The following NOX3 variants were observed in gnomAD, a reference collection of about 807,000 sequenced individuals.
The protein encoded by NOX3 is NADPH oxidase 3.
NOX3 carries 74 observed loss-of-function variants against 76.7 expected under a neutral mutation model. The ratio of observed to expected loss-of-function variants is 0.96; its 90% CI spans 0.80 to 1.17. The LOEUF is 1.17. Among genes scored for constraint, NOX3 ranks in the 50% most tolerant of loss-of-function variants. The pLI is 0.00. For missense variants in NOX3, 695 were observed against 703.3 expected (o/e 0.99, Z 0.13); for synonymous variants, 263 against 261.1 (o/e 1.01, Z -0.07).
intron 13 of NOX3, 72 bp downstream of exon 13, chr6:155,396,736 TA>T: frequency 1.5e-6 from 2 of 1,302,854 alleles, no homozygotes; most frequent in Non-Finnish European, 2.1e-6. Context: ...GCATAGAGCC[TA>T]AAATGATTAC....
chr6:155,448,058 G>C (rs1034304304), intron 4 of NOX3, among the ~76,000 whole-genome samples: 1 of 152,164 alleles, frequency 6.6e-6, no homozygotes, highest in African/African-American at 2.4e-5. Context: ...ATCATTTCAT[G>C]TTATTAGATT....
chr6:155,403,199 C>A (rs559323605), intron 12 of NOX3, among the ~76,000 whole-genome samples: 1 of 152,262 alleles, frequency 6.6e-6, no homozygotes, highest in African/African-American at 2.4e-5. Flanking sequence ...TCCGAGATTT[C>A]TTCATTAAAA....
chr6:155,415,927 G>A (rs1776616787), intron 10 of NOX3, among the ~76,000 whole-genome samples: 1 of 152,208 alleles, frequency 6.6e-6, no homozygotes, highest in African/African-American at 2.4e-5. Context: ...AGGGACATGC[G>A]CCTTGCTTGG....
intron 6 of NOX3, among the ~76,000 whole-genome samples, chr6:155,438,463 T>A (rs1446954854): frequency 6.6e-6 from 1 of 152,168 alleles, no homozygotes; most frequent in Admixed American, 6.5e-5. Context: ...TAGGGTAAAA[T>A]GCACCCTCAG....
intron 9 of NOX3, among the ~76,000 whole-genome samples, chr6:155,428,037 A>G (rs1776779877): frequency 6.6e-6 from 1 of 152,192 alleles, no homozygotes; most frequent in Non-Finnish European, 1.5e-5. Context: ...GATAGCTGGG[A>G]TTACAGGCAT....
At chr6:155,428,667 A>T (rs1776790152) in intron 9 of NOX3, 127 bp downstream of exon 9, 8 of 861,576 alleles carry the variant, frequency 9.3e-6, no homozygotes, top group Non-Finnish European at 1.1e-5. Flanking sequence ...CACATTCTCA[A>T]ATTTAGACAC....
intron 5 of NOX3, among the ~76,000 whole-genome samples, chr6:155,443,068 T>C (rs1262248274): frequency 2.0e-5 from 3 of 152,188 alleles, no homozygotes; most frequent in Non-Finnish European, 4.4e-5. Flanking sequence ...AGGTGACATA[T>C]CTTTTTCTCC....
chr6:155,416,747 T>TC (rs1776626280), intron 10 of NOX3, among the ~76,000 whole-genome samples: 1 of 119,360 alleles, frequency 8.4e-6, no homozygotes, highest in South Asian at 2.7e-4. Flanking sequence ...AAACATTCTT[T>TC]TTTTTTTTTT....
In NOX3 at chr6:155,411,226, C is replaced by T. The variant is rs1219036939; in HGVS notation, c.1443G>A (p.Trp481Ter). The T allele has an allele frequency of 6.2e-7, 1 of 1,613,468 alleles. No homozygotes were observed. Among genetic ancestry groups the T allele is most frequent in the Non-Finnish European group, 8.5e-7 (1 of 1,179,670 alleles). The change falls in exon 11 of 14, where the codon TGG becomes TGA. Residue 481 changes from tryptophan (W) to a stop codon, truncating the protein, a stop_gained. Transcript: ENST00000159060. LOFTEE classifies it high-confidence loss of function. ...FLSYHIFLTG[W>*]DENQALHIAL... ...GTCTTATCAGTACCTGATTTTCATC[C>T]CAGCCGGTAAGAAATATATGATAAC...
At chr6:155,427,399 C>G (rs937669629) in intron 9 of NOX3, among the ~76,000 whole-genome samples, 1 of 152,180 alleles carries the variant, frequency 6.6e-6, no homozygotes, top group Non-Finnish European at 1.5e-5. Flanking sequence ...TTGTTTGTCA[C>G]CAATAAATAT....
chr6:155,425,757 T>C (rs1394305844), intron 9 of NOX3, among the ~76,000 whole-genome samples: 1 of 152,190 alleles, frequency 6.6e-6, no homozygotes, highest in Non-Finnish European at 1.5e-5. Context: ...ACACACAAAG[T>C]TGGGCTTTGA....
intron 12 of NOX3, among the ~76,000 whole-genome samples, chr6:155,406,080 C>T (rs1380963356): frequency 6.6e-6 from 1 of 152,226 alleles, no homozygotes; most frequent in Non-Finnish European, 1.5e-5. Flanking sequence ...ATGGCACACT[C>T]CTTCACTGCC....
chr6:155,408,002 A>G (rs930585471), intron 11 of NOX3, among the ~76,000 whole-genome samples: 1 of 152,126 alleles, frequency 6.6e-6, no homozygotes, highest in African/African-American at 2.4e-5. Flanking sequence ...TTTTTGAGAC[A>G]GAGCCTTGCT....
At chr6:155,413,327 G>C (rs953620941) in intron 10 of NOX3, among the ~76,000 whole-genome samples, 24 of 152,088 alleles carry the variant, frequency 1.6e-4, no homozygotes, top group African/African-American at 5.8e-4. Context: ...GAGAGGGTGG[G>C]GAGAGCAAGG....
intron 12 of NOX3, among the ~76,000 whole-genome samples, chr6:155,401,889 G>A (rs1368985015): frequency 6.6e-6 from 1 of 151,852 alleles, no homozygotes; most frequent in East Asian, 1.9e-4. Context: ...TAACAGATAG[G>A]TCAAAAGTAG....
At chr6:155,437,238 C>G (rs1479313642) in intron 6 of NOX3, among the ~76,000 whole-genome samples, 1 of 152,166 alleles carries the variant, frequency 6.6e-6, no homozygotes, top group African/African-American at 2.4e-5. Flanking sequence ...AGCTTTGGTA[C>G]AAGCTCCTAG....
At chr6:155,454,205 T>A (rs1777181196) in intron 3 of NOX3, among the ~76,000 whole-genome samples, 1 of 152,134 alleles carries the variant, frequency 6.6e-6, no homozygotes, top group Non-Finnish European at 1.5e-5. Context: ...GTAAAAACCA[T>A]AGTATCTGAG....
Position 155,424,510 on chromosome 6 carries a change from AG to A in NOX3, c.1146-1655del, listed in dbSNP as rs768097464. Reference sequence around the variant, plus strand: ...CTGAGTTATTCATAACCATTCCCTAAGGGGTGTCTGTTGAAGACACCGGAGG... The same window carrying A: ...CTGAGTTATTCATAACCATTCCCTAAGGGTGTCTGTTGAAGACACCGGAGG... On this transcript the variant is annotated intron_variant, in intron 9 of 13. Transcript: ENST00000159060. Among the ~76,000 whole-genome samples the A allele has an allele frequency of 1.4e-4, 21 of 152,374 alleles. No individual in the cohort carries two copies. In the East Asian group the frequency reaches 2.9e-3, roughly 21 times the overall value.
rs1776547918 is a variant in NOX3, at chr6:155,411,300, G to T, written c.1369C>A (p.Leu457Ile). The change falls in exon 11 of 14, where the codon CTC becomes ATC. Residue 457 changes from leucine to isoleucine, a missense_variant. Leu to Ile is a conservative substitution (Grantham distance 5). Transcript: ENST00000159060. ...TCACTCATCCGTGTTTCCAGGGAGA[G>T]TAAGAGATCAGCAAACCACTCAAAA... ...RAFEWFADLL[L>I]SLETRMSEQG... The T allele has an allele frequency of 6.2e-7, 1 of 1,613,916 alleles. No individual in the cohort carries two copies. The highest frequency in any genetic ancestry group is 8.5e-7 in the Non-Finnish European group (1 of 1,179,936).
Sources: gnomAD v4.1 joint callset for allele counts (sites outside exome capture counted in the v4.1 genomes callset) on GRCh38, gnomAD v4.1.1 for gene constraint, MANE v1.5 for transcripts, NCBI Gene and HGNC (gene_info 2026-07-23, HGNC 2026-07-21) for gene names.